The following PDE3B variants were observed in gnomAD, a reference collection of about 807,000 sequenced individuals.
The protein encoded by PDE3B is cGMP-inhibited 3',5'-cyclic phosphodiesterase 3B.
In PDE3B, 66 loss-of-function variants were observed where a neutral mutation model predicts 116.8. That is an observed-to-expected ratio of 0.56 (90% confidence interval 0.46 to 0.69). The LOEUF is 0.69. PDE3B is among the 30% of genes least tolerant of loss of function. The probability of loss-of-function intolerance (pLI) is 0.00; values close to 1 mark genes in which losing one functional copy is unlikely to be tolerated. For missense variants in PDE3B, 1,384 were observed against 1,368.1 expected, an observed-to-expected ratio of 1.01 and a Z score of -0.18; for synonymous variants, 595 against 533.6, an observed-to-expected ratio of 1.12 and a Z score of -1.59.
chr11:14,665,838 G>A lies in PDE3B; in HGVS notation c.978+20785G>A, dbSNP rs546813847. Among the ~76,000 whole-genome samples the A allele has an allele frequency of 5.2e-3, 791 of 152,180 alleles. 10 individuals are homozygous for A. Among genetic ancestry groups the A allele is most frequent in the African/African-American group, 0.018 (740 of 41,530 alleles). ...CTCATGGGTAGGAAGAATCAATATC[G>A]TGAAAATGGCCATACTGCCCAAGGT... On this transcript the variant is annotated intron_variant, in intron 1 of 15. Coordinates refer to ENST00000282096, the MANE Select transcript of PDE3B (RefSeq NM_000922.4).
intron 1 of PDE3B, among the ~76,000 whole-genome samples, chr11:14,697,156 T>C (rs1855230351): frequency 6.6e-6 from 1 of 152,132 alleles, no homozygotes; most frequent in Non-Finnish European, 1.5e-5. Flanking sequence ...CAGCCTGGCC[T>C]CACACTCCTG....
chr11:14,681,274 G>A (rs1004254974), intron 1 of PDE3B, among the ~76,000 whole-genome samples: 2 of 152,172 alleles, frequency 1.3e-5, no homozygotes, highest in African/African-American at 4.8e-5. Context: ...TTGTACCACT[G>A]TGATACGGTT....
chr11:14,884,433 C>CA, the PDE3B span, among the ~76,000 whole-genome samples: 6 of 149,404 alleles, frequency 4.0e-5, no homozygotes, highest in East Asian at 4.0e-4. Context: ...ATCGCAAGAA[C>CA]AAAAAACCAA....
At chr11:14,714,243 T>G (rs1855801747) in intron 1 of PDE3B, among the ~76,000 whole-genome samples, 1 of 152,068 alleles carries the variant, frequency 6.6e-6, no homozygotes, top group Non-Finnish European at 1.5e-5. Flanking sequence ...TATATATATG[T>G]GTGTGTCTTG....
At chr11:14,738,402 C>G (rs892392288) in intron 1 of PDE3B, among the ~76,000 whole-genome samples, 1 of 152,198 alleles carries the variant, frequency 6.6e-6, no homozygotes, top group Non-Finnish European at 1.5e-5. Context: ...TGTCTGTTGG[C>G]TGCATAAATG....
chr11:14,767,165 G>A (rs538265275), intron 1 of PDE3B, among the ~76,000 whole-genome samples: 11 of 151,460 alleles, frequency 7.3e-5, no homozygotes, highest in South Asian at 2.1e-4. Flanking sequence ...AGCATTTTGT[G>A]CTTGTTCTAG....
chr11:14,786,287 G>T, intron 2 of PDE3B, 150 bp from the exon 3 acceptor site: 1 of 515,024 alleles, frequency 1.9e-6, no homozygotes, highest in Non-Finnish European at 3.3e-6. Context: ...AATATAATGT[G>T]ATAATCAGCT....
chr11:14,651,313 T>A (rs1853569668), intron 1 of PDE3B, among the ~76,000 whole-genome samples: 1 of 152,300 alleles, frequency 6.6e-6, no homozygotes, highest in Non-Finnish European at 1.5e-5. Flanking sequence ...CTTCTAAGGA[T>A]CCAGGTCATA....
downstream of PDE3B, among the ~76,000 whole-genome samples, chr11:14,872,605 G>C (rs898928586): frequency 6.6e-6 from 1 of 152,132 alleles, no homozygotes; most frequent in African/African-American, 2.4e-5. Flanking sequence ...TTTCAATCTG[G>C]AAGAATAACA....
At chr11:14,879,114 C>T in the PDE3B span, 1 of 1,612,478 alleles carries the variant, frequency 6.2e-7, no homozygotes, top group Non-Finnish European at 8.5e-7. Context: ...GTTCTCTTAC[C>T]TAGGGAAAAA....
intron 1 of PDE3B, chr11:14,673,909 C>T (rs1854452940): frequency 2.1e-6 from 3 of 1,436,810 alleles, no homozygotes; most frequent in Non-Finnish European, 2.9e-6. Context: ...GCCACAACTT[C>T]ATTAACCGCA....
At chr11:14,806,504 C>T (rs1405059884) in intron 5 of PDE3B, among the ~76,000 whole-genome samples, 1 of 151,378 alleles carries the variant, frequency 6.6e-6, no homozygotes, top group Non-Finnish European at 1.5e-5. Context: ...TTTATTGTGG[C>T]AGTGTTCACA....
chr11:14,750,985 C>T (rs949761851), intron 1 of PDE3B, among the ~76,000 whole-genome samples: 2 of 152,094 alleles, frequency 1.3e-5, no homozygotes, highest in Non-Finnish European at 2.9e-5. Flanking sequence ...CCCTGTTCTA[C>T]GTTTCTGTCA....
Position 14,683,024 on chromosome 11 carries a change from G to A in PDE3B, c.978+37971G>A, listed in dbSNP as rs944069077. ...ATGATCTCAGCTCACCACAACCTCC[G>A]CCTCCCAGGTTCAAGTGATTCTCCT... On this transcript the variant is annotated intron_variant, in intron 1 of 15. Transcript: ENST00000282096. Among the ~76,000 whole-genome samples, 5 of 150,352 alleles carry A rather than the reference G, an allele frequency of 3.3e-5. No individual in the cohort carries two copies. The East Asian group carries it at 9.7e-4, about 29-fold the overall frequency.
chr11:14,875,706 T>G (rs1286467232), downstream of PDE3B, among the ~76,000 whole-genome samples: 3 of 152,256 alleles, frequency 2.0e-5, no homozygotes, highest in East Asian at 3.9e-4. Flanking sequence ...TAGTAAAGCA[T>G]AAGATAAATT....
the PDE3B span, among the ~76,000 whole-genome samples, chr11:14,878,521 A>T: frequency 2.6e-5 from 4 of 152,076 alleles, no homozygotes; most frequent in African/African-American, 9.7e-5. Flanking sequence ...CTTTTGTAAG[A>T]CTTTAGTTCC....
At chr11:14,888,912 G>A in the PDE3B span, among the ~76,000 whole-genome samples, 20 of 152,104 alleles carry the variant, frequency 1.3e-4, no homozygotes, top group Non-Finnish European at 2.5e-4. Context: ...TCCTAGCCAG[G>A]GAATGCCTCT....
At chr11:14,683,319 T>C (rs1320064368) in intron 1 of PDE3B, among the ~76,000 whole-genome samples, 2 of 152,088 alleles carry the variant, frequency 1.3e-5, no homozygotes, top group East Asian at 3.8e-4. Flanking sequence ...TTTTGTTTTT[T>C]TGGAAAGCTT....
chr11:14,725,775 T>C (rs1242100683), intron 1 of PDE3B, among the ~76,000 whole-genome samples: 4 of 151,578 alleles, frequency 2.6e-5, no homozygotes, highest in Non-Finnish European at 4.4e-5. Flanking sequence ...TTCTCTTGCC[T>C]AGACTATTGG....
Sources: allele counts gnomAD v4.1 joint callset (sites outside exome capture counted in the v4.1 genomes callset), GRCh38; gene constraint gnomAD v4.1.1; transcripts MANE v1.5; gene names NCBI Gene and HGNC (gene_info 2026-07-23, HGNC 2026-07-21).